DAB1: variants seen among roughly 807,000 people sequenced by gnomAD.
DAB1 encodes disabled homolog 1.
A neutral mutation model predicts 64.6 loss-of-function variants in DAB1; 15 were observed. That is an observed-to-expected ratio of 0.23 (90% confidence interval 0.16 to 0.36). DAB1 has a LOEUF of 0.36. Ranked by LOEUF, DAB1 falls within the 10% of genes least tolerant of loss-of-function variation. The probability of loss-of-function intolerance (pLI) is 1.00; values close to 1 mark genes in which losing one functional copy is unlikely to be tolerated. For missense variants in DAB1, 596 were observed against 706.7 expected, an observed-to-expected ratio of 0.84 and a Z score of 1.78; for synonymous variants, 235 against 251.9, an observed-to-expected ratio of 0.93 and a Z score of 0.64.
intron 3 of DAB1, among the ~76,000 whole-genome samples, chr1:58,435,518 C>A (rs1206538165): frequency 6.6e-6 from 1 of 152,110 alleles, no homozygotes; most frequent in Non-Finnish European, 1.5e-5. Flanking sequence ...CCACAGACAC[C>A]CCCAAGGATG....
intron 4 of DAB1, among the ~76,000 whole-genome samples, chr1:58,269,785 A>T (rs1661270606): frequency 1.4e-5 from 1 of 70,578 alleles, no homozygotes; most frequent in Non-Finnish European, 2.9e-5. Context: ...GATGATGAGC[A>T]TTTTTTCATG....
intron 4 of DAB1, among the ~76,000 whole-genome samples, chr1:57,078,665 AC>A (rs1652208101): frequency 6.6e-6 from 1 of 152,172 alleles, no homozygotes; most frequent in Non-Finnish European, 1.5e-5. Flanking sequence ...ATGTAAAGTG[AC>A]CAGAACAGTG....
At chr1:57,662,712 T>A (rs1245282435) in intron 6 of DAB1, among the ~76,000 whole-genome samples, 2 of 152,164 alleles carry the variant, frequency 1.3e-5, no homozygotes, top group Non-Finnish European at 2.9e-5. Context: ...ATTAGTATAG[T>A]CCAGATAGGC....
At chr1:58,496,117 T>C (rs1435876368) in intron 3 of DAB1, among the ~76,000 whole-genome samples, 1 of 152,154 alleles carries the variant, frequency 6.6e-6, no homozygotes, top group Non-Finnish European at 1.5e-5. Context: ...CCCATTGTTA[T>C]ATGCAGCTTG....
At chr1:57,083,249 G>A (rs761856793) in intron 4 of DAB1, among the ~76,000 whole-genome samples, 12 of 152,146 alleles carry the variant, frequency 7.9e-5, no homozygotes, top group Non-Finnish European at 1.8e-4. Context: ...AGGCAGACCT[G>A]GACTGCTGCC....
At chr1:58,254,126 CA>C (rs1392323747) in intron 4 of DAB1, among the ~76,000 whole-genome samples, 1 of 152,126 alleles carries the variant, frequency 6.6e-6, no homozygotes, top group Non-Finnish European at 1.5e-5. Context: ...GATCCACACT[CA>C]AGGGGAAACA....
intron 3 of DAB1, among the ~76,000 whole-genome samples, chr1:58,389,333 G>A (rs1644458765): frequency 6.6e-6 from 1 of 152,116 alleles, no homozygotes; most frequent in Non-Finnish European, 1.5e-5. Context: ...AACTACTCAG[G>A]AGACTGAGGC....
At chr1:58,300,443 A>G (rs1662096123) in intron 4 of DAB1, among the ~76,000 whole-genome samples, 1 of 151,466 alleles carries the variant, frequency 6.6e-6, no homozygotes, top group South Asian at 2.1e-4. Flanking sequence ...GCTACTCAGG[A>G]AGCTGACACA....
intron 4 of DAB1, among the ~76,000 whole-genome samples, chr1:58,323,117 C>A (rs1662730021): frequency 6.6e-6 from 1 of 151,842 alleles, no homozygotes; most frequent in Non-Finnish European, 1.5e-5. Flanking sequence ...GGAGGGATAG[C>A]AGTAGGAGAA....
chr1:57,562,999 C>T (rs1461859076), intron 7 of DAB1, among the ~76,000 whole-genome samples: 3 of 152,122 alleles, frequency 2.0e-5, no homozygotes, highest in African/African-American at 7.2e-5. Context: ...CTTAGTATTA[C>T]CATGCCCTGT....
At chr1:57,326,440 G>T (rs773741920) in intron 1 of DAB1, among the ~76,000 whole-genome samples, 6 of 152,164 alleles carry the variant, frequency 3.9e-5, no homozygotes, top group African/African-American at 4.8e-5. Flanking sequence ...GTGACTGAAA[G>T]AGGGTATTAA....
At chr1:57,235,216 C>T (rs1668006578) in intron 2 of DAB1, among the ~76,000 whole-genome samples, 1 of 152,196 alleles carries the variant, frequency 6.6e-6, no homozygotes, top group Non-Finnish European at 1.5e-5. Flanking sequence ...CACTTATTCT[C>T]TGTGTGCTTC....
intron 7 of DAB1, among the ~76,000 whole-genome samples, chr1:57,458,392 G>A (rs1387886383): frequency 6.6e-6 from 1 of 151,436 alleles, no homozygotes; most frequent in Non-Finnish European, 1.5e-5. Flanking sequence ...AAGGCAAATA[G>A]GTCAAACTTA....
chr1:57,559,065 G>C (rs560131098), intron 7 of DAB1, among the ~76,000 whole-genome samples: 1 of 152,286 alleles, frequency 6.6e-6, no homozygotes, highest in African/African-American at 2.4e-5. Flanking sequence ...GAGGTGGCAG[G>C]GGCCAAGTGG....
chr1:57,907,787 C>T (rs1371724721), intron 5 of DAB1, among the ~76,000 whole-genome samples: 4 of 151,912 alleles, frequency 2.6e-5, no homozygotes, highest in Non-Finnish European at 4.4e-5. Context: ...GGGATACATG[C>T]TCTGAGAAAT....
At chr1:58,255,693 A>G (rs902293520) in intron 4 of DAB1, among the ~76,000 whole-genome samples, 22 of 152,222 alleles carry the variant, frequency 1.4e-4, no homozygotes, top group Non-Finnish European at 7.3e-5. Context: ...GCCAAACTTC[A>G]TGGACTGGAG....
chr1:58,518,230 G>GGGGAGAC (rs1646191162), intron 2 of DAB1, among the ~76,000 whole-genome samples: 2 of 6,666 alleles, frequency 3.0e-4, no homozygotes, highest in Non-Finnish European at 5.4e-4. Context: ...AGAGGGGAGA[G>GGGGAGAC]GGGAGAGGGG....
At chr1:57,100,999 A>G (rs1332592833) in intron 4 of DAB1, among the ~76,000 whole-genome samples, 1 of 152,168 alleles carries the variant, frequency 6.6e-6, no homozygotes, top group African/African-American at 2.4e-5. Context: ...GAGTGGTGCC[A>G]TTTCCAGAGA....
intron 2 of DAB1, among the ~76,000 whole-genome samples, chr1:57,229,699 A>G (rs1667529450): frequency 6.6e-6 from 1 of 152,190 alleles, no homozygotes; most frequent in Non-Finnish European, 1.5e-5. Context: ...CTTTTTCAAC[A>G]TTCTGGTGGC....
Sources: allele counts gnomAD v4.1 joint callset (sites outside exome capture counted in the v4.1 genomes callset), GRCh38; gene constraint gnomAD v4.1.1; transcripts MANE v1.5; gene names NCBI Gene and HGNC (gene_info 2026-07-23, HGNC 2026-07-21).